Variants in KIAA0825 observed in about 807,000 individuals in gnomAD.
KIAA0825 encodes KIAA0825.
In KIAA0825, 119 loss-of-function variants were observed where a neutral mutation model predicts 147.6. The ratio of observed to expected loss-of-function variants is 0.81; its 90% confidence interval spans 0.69 to 0.94. The LOEUF is 0.94. KIAA0825 is among the 40% of genes least tolerant of loss of function. The pLI is 0.00. For synonymous variants in KIAA0825, 470 were observed against 518.1 expected, an observed-to-expected ratio of 0.91 and a Z score of 1.26; for missense variants, 1,381 against 1,472.7, an observed-to-expected ratio of 0.94 and a Z score of 1.02.
intron 13 of KIAA0825, among the ~76,000 whole-genome samples, chr5:94,446,152 T>C (rs570621318): frequency 6.6e-6 from 1 of 152,352 alleles, no homozygotes; most frequent in South Asian, 2.1e-4. Flanking sequence ...ACTTATGCAA[T>C]ACAATACTTT....
At chr5:94,408,515 T>TTG (rs3050853) in intron 15 of KIAA0825, among the ~76,000 whole-genome samples, 3,188 of 147,256 alleles carry the variant, frequency 0.022, 31 homozygotes, top group East Asian at 0.046. Flanking sequence ...CTCAGCTAAT[T>TTG]TGTGTGTGTG....
At chr5:94,174,162 T>C (rs1247897308) in intron 20 of KIAA0825, among the ~76,000 whole-genome samples, 1 of 152,198 alleles carries the variant, frequency 6.6e-6, no homozygotes, top group Non-Finnish European at 1.5e-5. Context: ...TCATTTCCAC[T>C]TTTGAGACTA....
chr5:94,537,743 C>T (rs1460229717), intron 2 of KIAA0825, among the ~76,000 whole-genome samples: 1 of 151,678 alleles, frequency 6.6e-6, no homozygotes, highest in East Asian at 1.9e-4. Context: ...AAGAACTGTA[C>T]TGGAAGTGAC....
rs141663598 is a variant in KIAA0825, at chr5:94,424,128, A to G, written c.2498-6763T>C. On this transcript the variant is annotated intron_variant, in intron 14 of 20. Coordinates refer to ENST00000682413, the MANE Select transcript of KIAA0825 (RefSeq NM_001145678.3). ...CATTAGATCATACTTCCTGTGTCCAATAATACTTCTGTATAACTGTCCATA... is the reference window on the plus strand; with the variant it reads ...CATTAGATCATACTTCCTGTGTCCAGTAATACTTCTGTATAACTGTCCATA... Among the ~76,000 whole-genome samples, 586 of 152,274 alleles carry G rather than the reference A, an allele frequency of 3.8e-3. 6 individuals carry two copies. Among genetic ancestry groups the G allele is most frequent in the Middle Eastern group, 0.02 (6 of 294 alleles).
chr5:94,512,595 T>TAAAA (rs557790918), intron 5 of KIAA0825, among the ~76,000 whole-genome samples: 1 of 128,226 alleles, frequency 7.8e-6, no homozygotes, highest in African/African-American at 2.9e-5. Context: ...GATCCTGTCT[T>TAAAA]AAAAAAAAAA....
rs753075274 is a variant in KIAA0825 at position 94,520,503 on chromosome 5, C to T, written c.715G>A (p.Val239Ile). Reference sequence around the variant, plus strand: ...GTACTTTGATATCCATGAGCTATTACATCTAAATTTGAATCTCTGTTGTAA... The same window carrying T: ...GTACTTTGATATCCATGAGCTATTATATCTAAATTTGAATCTCTGTTGTAA... ...PSYNRDSNLD[V>I]IAHGYQSTML... The change falls in exon 5 of 21, where the codon GTA (valine) becomes ATA (isoleucine). Residue 239 changes from valine (V) to isoleucine (I), a missense_variant. Coordinates refer to ENST00000682413, the MANE Select transcript of KIAA0825 (RefSeq NM_001145678.3). 6.2e-7 allele frequency: 1 copy of T among 1,612,932 alleles called. No homozygotes were observed. Among genetic ancestry groups the T allele is most frequent in the Non-Finnish European group, 8.5e-7 (1 of 1,179,096 alleles).
At chr5:94,555,492 ATTCC>A (rs1362947783) in intron 2 of KIAA0825, among the ~76,000 whole-genome samples, 2 of 152,172 alleles carry the variant, frequency 1.3e-5, no homozygotes, top group African/African-American at 4.8e-5. Flanking sequence ...GACTATTAAA[ATTCC>A]TCCATTTAAA....
intron 2 of KIAA0825, among the ~76,000 whole-genome samples, chr5:94,578,048 C>G (rs1018080186): frequency 6.6e-6 from 1 of 152,120 alleles, no homozygotes; most frequent in South Asian, 2.1e-4. Context: ...TCAGAAAATA[C>G]AAAAACTGAG....
chr5:94,314,654 T>G (rs1454058305), intron 20 of KIAA0825, among the ~76,000 whole-genome samples: 5 of 151,650 alleles, frequency 3.3e-5, no homozygotes, highest in African/African-American at 1.2e-4. Flanking sequence ...GCTTGTTTTG[T>G]TCGCTGTATT....
intron 5 of KIAA0825, among the ~76,000 whole-genome samples, chr5:94,487,564 G>A (rs183081478): frequency 9.9e-5 from 15 of 152,242 alleles, no homozygotes; most frequent in South Asian, 2.1e-4. Context: ...CTGCCTAAGC[G>A]TATGTTTCTC....
intron 13 of KIAA0825, among the ~76,000 whole-genome samples, chr5:94,447,252 TG>T (rs972496754): frequency 3.3e-5 from 5 of 151,984 alleles, no homozygotes; most frequent in African/African-American, 1.2e-4. Flanking sequence ...GATATGGATT[TG>T]GGGGGGCACA....
intron 13 of KIAA0825, among the ~76,000 whole-genome samples, chr5:94,440,429 T>A (rs1050883775): frequency 2.6e-5 from 4 of 152,206 alleles, no homozygotes; most frequent in African/African-American, 9.6e-5. Flanking sequence ...TACTTATGCA[T>A]TTTTTGAATG....
At chr5:94,398,721 C>T (rs999426155) in intron 16 of KIAA0825, among the ~76,000 whole-genome samples, 1 of 152,032 alleles carries the variant, frequency 6.6e-6, no homozygotes, top group Non-Finnish European at 1.5e-5. Flanking sequence ...TTGATTATCC[C>T]ACAAAGCCAG....
intron 5 of KIAA0825, among the ~76,000 whole-genome samples, chr5:94,505,374 A>C (rs1765624525): frequency 6.6e-6 from 1 of 151,948 alleles, no homozygotes; most frequent in South Asian, 2.1e-4. Context: ...AAAAAAAAAA[A>C]AAAAGTTAAT....
intron 20 of KIAA0825, among the ~76,000 whole-genome samples, chr5:94,190,009 C>A (rs960280451): frequency 2.0e-5 from 3 of 151,920 alleles, no homozygotes; most frequent in African/African-American, 7.3e-5. Context: ...TCTTGCATAT[C>A]TTTTGTTATT....
chr5:94,505,250 A>G (rs1765601883), intron 5 of KIAA0825, among the ~76,000 whole-genome samples: 1 of 151,744 alleles, frequency 6.6e-6, no homozygotes, highest in South Asian at 2.1e-4. Context: ...AGTCCTAGCT[A>G]CTGGGGAGGC....
intron 5 of KIAA0825, among the ~76,000 whole-genome samples, chr5:94,489,974 CT>C: frequency 6.6e-6 from 1 of 151,358 alleles, no homozygotes; most frequent in Admixed American, 6.6e-5. Flanking sequence ...TTTTTATCCA[CT>C]TTTTCCATGT....
intron 20 of KIAA0825, among the ~76,000 whole-genome samples, chr5:94,379,012 T>A (rs1276194605): frequency 6.6e-6 from 1 of 152,254 alleles, no homozygotes; most frequent in Admixed American, 6.5e-5. Flanking sequence ...TAGACCTTTG[T>A]CAGATGCATA....
intron 2 of KIAA0825, among the ~76,000 whole-genome samples, chr5:94,577,046 C>T (rs1781182499): frequency 6.6e-6 from 1 of 152,222 alleles, no homozygotes; most frequent in African/African-American, 2.4e-5. Flanking sequence ...ACTCTTAATA[C>T]TTGCTCTTAC....
Sources: gnomAD v4.1 joint callset for allele counts (sites outside exome capture counted in the v4.1 genomes callset) on GRCh38, gnomAD v4.1.1 for gene constraint, MANE v1.5 for transcripts, NCBI Gene and HGNC (gene_info 2026-07-23, HGNC 2026-07-21) for gene names.